ANTXR2: variants seen among roughly 807,000 people sequenced by gnomAD.
ANTXR2 encodes anthrax toxin receptor 2.
ANTXR2 carries 44 observed loss-of-function variants against 73.7 expected under a neutral mutation model. The observed-to-expected ratio is 0.60, with a 90% CI of 0.47 to 0.77. ANTXR2 has a LOEUF of 0.77. Ranked by LOEUF, ANTXR2 falls within the 30% of genes least tolerant of loss-of-function variation. The pLI, the probability that ANTXR2 is intolerant of heterozygous loss-of-function variation, is 0.00. For missense variants in ANTXR2, 604 were observed against 592.5 expected, an observed-to-expected ratio of 1.02 and a Z score of -0.20; for synonymous variants, 217 against 205.9, an observed-to-expected ratio of 1.05 and a Z score of -0.46.
upstream of ANTXR2, chr4:80,073,279 GCC>G (rs1481034400): frequency 6.6e-6 from 1 of 152,428 alleles, no homozygotes; most frequent in Non-Finnish European, 1.5e-5. Flanking sequence ...AAGCCTCCGA[GCC>G]ACACATGCAC....
chr4:79,925,321 C>T (rs1380944101), intron 16 of ANTXR2, among the ~76,000 whole-genome samples: 1 of 139,378 alleles, frequency 7.2e-6, no homozygotes, highest in Non-Finnish European at 1.5e-5. Context: ...GCATTAAAGC[C>T]TTAGATAATA....
intron 7 of ANTXR2, among the ~76,000 whole-genome samples, chr4:80,036,593 G>A: frequency 6.6e-6 from 1 of 152,032 alleles, no homozygotes; most frequent in South Asian, 2.1e-4. Context: ...TTGGGGTCAG[G>A]AGTTCAAGAC....
rs1481079219 is a variant in ANTXR2 at position 79,927,062 on chromosome 4, T to C, written c.1429-19595A>G. 1.2e-4 allele frequency among the ~76,000 whole-genome samples: 10 copies of C among 82,696 alleles called. No individual in the cohort carries two copies. In the Admixed American group the frequency reaches 1.2e-3, roughly 10 times the overall value. 54.3% of individuals were successfully genotyped at this position (82,696 alleles called of 152,430 possible). A position where few individuals can be genotyped will look rare whatever the true frequency, so the allele number is the denominator to read the frequency against. On this transcript the variant is annotated intron_variant, in intron 16 of 16. Coordinates refer to ENST00000403729, the MANE Select transcript of ANTXR2 (RefSeq NM_058172.6). Reference sequence around the variant, plus strand: ...GTATATATATGTGCGTGTGTGTGTGTATATATATATATATATGAATATTAT... The same window carrying C: ...GTATATATATGTGCGTGTGTGTGTGCATATATATATATATATGAATATTAT...
intron 11 of ANTXR2, among the ~76,000 whole-genome samples, chr4:80,010,044 TG>T (rs1392406146): frequency 1.1e-4 from 7 of 63,680 alleles, no homozygotes; most frequent in Middle Eastern, 7.4e-3. Flanking sequence ...TTTTGTTTTG[TG>T]GTTTTTTTTT....
At chr4:80,032,297 A>G (rs1732731876) in intron 9 of ANTXR2, among the ~76,000 whole-genome samples, 1 of 151,876 alleles carries the variant, frequency 6.6e-6, no homozygotes, top group African/African-American at 2.4e-5. Context: ...AATAAACCTA[A>G]TCTTATGTAG....
rs564474386 is a variant in ANTXR2 at position 79,906,020 on chromosome 4, C to T, written c.*1409G>A. On this transcript the variant is annotated 3_prime_UTR_variant, in exon 17 of 17. Coordinates refer to ENST00000403729, the MANE Select transcript of ANTXR2 (RefSeq NM_058172.6). ...AAAGCAGGCGCACTTTGTCAGGTTT[C>T]CACTCGAATATCCATTTCGCATCTG... 1 of 152,688 alleles carries T rather than the reference C, an allele frequency of 6.5e-6. No individual in the cohort carries two copies. The highest frequency in any genetic ancestry group is 2.1e-4 in the South Asian group (1 of 4,824). The allele number at this position is 152,688 out of a possible 1,614,324, so 9.5% of individuals were successfully genotyped here.
At chr4:80,062,120 A>G (rs1440667010) in intron 3 of ANTXR2, among the ~76,000 whole-genome samples, 2 of 152,214 alleles carry the variant, frequency 1.3e-5, no homozygotes, top group African/African-American at 2.4e-5. Flanking sequence ...TTTATTTAAC[A>G]TGTCATTCTA....
chr4:79,947,784 G>C (rs1728569419), intron 16 of ANTXR2, among the ~76,000 whole-genome samples: 1 of 152,010 alleles, frequency 6.6e-6, no homozygotes, highest in Non-Finnish European at 1.5e-5. Context: ...TAAAACTCTG[G>C]AAAAGACTTC....
intron 16 of ANTXR2, among the ~76,000 whole-genome samples, chr4:79,952,664 CTTGT>C (rs1405911286): frequency 9.2e-5 from 14 of 151,788 alleles, no homozygotes; most frequent in South Asian, 2.1e-4. Flanking sequence ...CAAAATTTCA[CTTGT>C]TTATTATTTC....
At chr4:79,988,230 TA>T (rs1387979539) in intron 12 of ANTXR2, among the ~76,000 whole-genome samples, 5 of 174 alleles carry the variant, frequency 0.029, no homozygotes, top group Admixed American at 0.14. Flanking sequence ...ACATAAATTT[TA>T]TATATATATA....
Position 80,054,332 on chromosome 4 carries a change from G to C in ANTXR2, c.576C>G (p.Ser192=). The change falls in exon 7 of 17, where the codon TCC becomes TCG. Residue 192 remains serine (S), a synonymous_variant. Coordinates refer to ENST00000403729, the MANE Select transcript of ANTXR2 (RefSeq NM_058172.6). ...CTTTGACAGGGAAAACTTGCTCCTT[G>C]GAATCAGCAATTCTTTCAAGCTTTA... ...EQAQLERIAD[S]KEQVFPVKGG... is the part of the protein sequence containing the mutation. 6.3e-7 allele frequency: 1 copy of C among 1,592,096 alleles called. No individual in the cohort carries two copies. Among genetic ancestry groups the C allele is most frequent in the East Asian group, 2.3e-5 (1 of 43,612 alleles).
intron 7 of ANTXR2, among the ~76,000 whole-genome samples, chr4:80,038,456 A>G (rs1419438297): frequency 6.6e-6 from 1 of 152,082 alleles, no homozygotes; most frequent in African/African-American, 2.4e-5. Flanking sequence ...ACATCTTTGG[A>G]GCCAGGCCCT....
intron 12 of ANTXR2, among the ~76,000 whole-genome samples, chr4:79,993,772 A>ACACACACGCG: frequency 6.6e-6 from 1 of 151,360 alleles, no homozygotes; most frequent in Admixed American, 6.6e-5. Flanking sequence ...ACACACACAC[A>ACACACACGCG]CACACACACA....
chr4:80,024,382 G>A (rs1175351420), intron 10 of ANTXR2, among the ~76,000 whole-genome samples: 1 of 152,188 alleles, frequency 6.6e-6, no homozygotes, highest in African/African-American at 2.4e-5. Context: ...AAAAGATCTT[G>A]CCAGGAAATT....
intron 16 of ANTXR2, chr4:79,965,085 CGAGCCATAA>C (rs145013439): frequency 0.65 from 97,996 of 151,422 alleles, 34,347 homozygotes; most frequent in East Asian, 0.96. Context: ...GTGCGGCCTC[CGAGCCATAA>C]GAGCCATAAA....
At chr4:80,025,467 T>TTAAATAAAG (rs1313515002) in intron 10 of ANTXR2, among the ~76,000 whole-genome samples, 1 of 152,150 alleles carries the variant, frequency 6.6e-6, no homozygotes, top group Non-Finnish European at 1.5e-5. Context: ...TTAAAAAGGA[T>TTAAATAAAG]GAAAAAATTA....
intron 7 of ANTXR2, among the ~76,000 whole-genome samples, chr4:80,044,174 T>G (rs1373069832): frequency 6.6e-6 from 1 of 152,002 alleles, no homozygotes; most frequent in East Asian, 1.9e-4. Context: ...TTGCTGGTAT[T>G]GTCAAGGAAA....
rs77553259 is a variant in ANTXR2 at position 80,024,149 on chromosome 4, T to C, written c.867-5173A>G. On this transcript the variant is annotated intron_variant, in intron 10 of 16. Transcript: ENST00000403729. ...AGAATAAAAAGGACATGGACATTTA[T>C]TGGATGTAGGAGGTGAGGAAGAAGA... Among the ~76,000 whole-genome samples the C allele has an allele frequency of 1.3e-3, 202 of 152,260 alleles. 1 individual carries two copies. Among genetic ancestry groups the C allele is most frequent in the African/African-American group, 4.6e-3 (191 of 41,544 alleles).
At chr4:80,063,875 C>A (rs1394756981) in intron 3 of ANTXR2, among the ~76,000 whole-genome samples, 1 of 151,964 alleles carries the variant, frequency 6.6e-6, no homozygotes, top group Non-Finnish European at 1.5e-5. Flanking sequence ...TTGCAGTATC[C>A]AATTTTGTAT....
Sources: gnomAD v4.1 joint callset for allele counts (sites outside exome capture counted in the v4.1 genomes callset) on GRCh38, gnomAD v4.1.1 for gene constraint, MANE v1.5 for transcripts, NCBI Gene and HGNC (gene_info 2026-07-23, HGNC 2026-07-21) for gene names.